TBL1XR1: variants seen among roughly 807,000 people sequenced by gnomAD.
The protein encoded by TBL1XR1 is F-box-like/WD repeat-containing protein TBL1XR1.
In TBL1XR1, 5 loss-of-function variants were observed where a neutral mutation model predicts 66.9. The ratio of observed to expected loss-of-function variants is 0.07; its 90% CI spans 0.04 to 0.16. The LOEUF is 0.16. Ranked by LOEUF, TBL1XR1 falls within the 10% of genes least tolerant of loss-of-function variation. The pLI, the probability that TBL1XR1 is intolerant of heterozygous loss-of-function variation, is 1.00. For synonymous variants in TBL1XR1, 210 were observed against 206.0 expected, an observed-to-expected ratio of 1.02 and a Z score of -0.17; for missense variants, 238 against 623.2, an observed-to-expected ratio of 0.38 and a Z score of 6.58.
chr3:177,043,652 C>T (rs1285708778), intron 10 of TBL1XR1, among the ~76,000 whole-genome samples: 1 of 152,096 alleles, frequency 6.6e-6, no homozygotes, highest in African/African-American at 2.4e-5. Context: ...GATTCAGTCT[C>T]ACAATCTCTG....
At chr3:177,093,292 A>C (rs1015139996) in intron 2 of TBL1XR1, among the ~76,000 whole-genome samples, 2 of 152,160 alleles carry the variant, frequency 1.3e-5, no homozygotes, top group Non-Finnish European at 2.9e-5. Context: ...TCTACAAGGA[A>C]AACTACAAAA....
intron 10 of TBL1XR1, among the ~76,000 whole-genome samples, chr3:177,038,693 T>C (rs1560104641): frequency 6.6e-6 from 1 of 152,142 alleles, no homozygotes; most frequent in East Asian, 1.9e-4. Flanking sequence ...GAGATGAAGG[T>C]TCCTGAGAGC....
At chr3:177,197,810 C>T (rs1737105820), upstream of TBL1XR1, among the ~76,000 whole-genome samples, 1 of 147,588 alleles carries the variant, frequency 6.8e-6, no homozygotes, top group Non-Finnish European at 1.5e-5. Flanking sequence ...CAGGCGAGCC[C>T]CGCGGGCACT....
intron 1 of TBL1XR1, among the ~76,000 whole-genome samples, chr3:177,193,501 G>A (rs1019370734): frequency 6.6e-6 from 1 of 152,058 alleles, no homozygotes; most frequent in African/African-American, 2.4e-5. Context: ...AGTAGAGACG[G>A]GGATTCACCA....
chr3:177,159,850 A>T (rs1044596392), intron 1 of TBL1XR1, among the ~76,000 whole-genome samples: 4 of 152,196 alleles, frequency 2.6e-5, no homozygotes, highest in Admixed American at 2.6e-4. Flanking sequence ...TTGCATCTTC[A>T]TAAGGATGCT....
intron 1 of TBL1XR1, among the ~76,000 whole-genome samples, chr3:177,173,539 C>G (rs754536193): frequency 9.9e-5 from 15 of 152,224 alleles, no homozygotes; most frequent in African/African-American, 2.9e-4. Context: ...TTACAAATAT[C>G]AGACAAACCA....
intron 1 of TBL1XR1, among the ~76,000 whole-genome samples, chr3:177,103,438 C>T (rs750323062): frequency 3.3e-5 from 5 of 152,142 alleles, no homozygotes; most frequent in Non-Finnish European, 5.9e-5. Flanking sequence ...CTAAAGTAAA[C>T]GAAGTATTAA....
chr3:177,026,328 G>T, intron 15 of TBL1XR1, 45 bp downstream of exon 15: 1 of 1,454,366 alleles, frequency 6.9e-7, no homozygotes, highest in Non-Finnish European at 9.6e-7. Context: ...ATTCTGATGT[G>T]AATACCCACC....
At chr3:177,189,397 A>C (rs1735836041) in intron 1 of TBL1XR1, among the ~76,000 whole-genome samples, 1 of 152,086 alleles carries the variant, frequency 6.6e-6, no homozygotes, top group Non-Finnish European at 1.5e-5. Flanking sequence ...CACGCCTGTT[A>C]GTCCCAGCAA....
chr3:177,148,409 T>C (rs1730494045), intron 1 of TBL1XR1, among the ~76,000 whole-genome samples: 1 of 152,214 alleles, frequency 6.6e-6, no homozygotes, highest in African/African-American at 2.4e-5. Flanking sequence ...AGACATGGCA[T>C]ACTCTTTGAT....
In TBL1XR1 at chr3:177,179,117, CAAAAAAAAA is replaced by C. The variant is rs71178099; in HGVS notation, c.-122+17995_-122+18003del. Among the ~76,000 whole-genome samples the C allele has an allele frequency of 1.8e-3, 189 of 107,398 alleles. 1 individual carries two copies. Among genetic ancestry groups the C allele is most frequent in the Middle Eastern group, 0.013 (3 of 224 alleles). The allele number at this position is 107,398 out of a possible 152,430, so 70.5% of individuals were successfully genotyped here. On this transcript the variant is annotated intron_variant, in intron 1 of 15. Coordinates refer to ENST00000457928, the MANE Select transcript of TBL1XR1 (RefSeq NM_024665.7). ...GGGCAACAAGAGCGAAACTACGTCT[CAAAAAAAAA>C]AAAAAAAAAAAAAAAGATACTTGGG... is the stretch of plus-strand genomic sequence containing the variant.
intron 1 of TBL1XR1, among the ~76,000 whole-genome samples, chr3:177,117,542 G>A (rs373079969): frequency 1.3e-5 from 2 of 152,030 alleles, no homozygotes; most frequent in Non-Finnish European, 2.9e-5. Flanking sequence ...CCCATTCAGC[G>A]TAGTTCCTTA....
At chr3:177,166,395 G>GATGTTCCACATCAT (rs1732827552) in intron 1 of TBL1XR1, among the ~76,000 whole-genome samples, 1 of 152,140 alleles carries the variant, frequency 6.6e-6, no homozygotes. Context: ...CATGTGAAAA[G>GATGTTCCACATCAT]ATGTTCCACA....
Position 177,081,566 on chromosome 3 carries a change from A to AT in TBL1XR1, c.-45-16545dup, listed in dbSNP as rs1721392766. Among the ~76,000 whole-genome samples, 3 of 151,980 alleles carry AT rather than the reference A, an allele frequency of 2.0e-5. No individual in the cohort carries two copies. The South Asian group carries it at 6.2e-4, about 32-fold the overall frequency. On this transcript the variant is annotated intron_variant, in intron 2 of 15. Transcript: ENST00000457928. The stretch of plus-strand genomic sequence containing the variant: ...GGAGTTCTACACCAGCCTGGGCAAC[A>AT]TAACAAGACCTAATCTCTACAAAGA...
chr3:177,106,904 C>G (rs943465503), intron 1 of TBL1XR1, among the ~76,000 whole-genome samples: 2 of 131,906 alleles, frequency 1.5e-5, no homozygotes, highest in African/African-American at 6.1e-5. Flanking sequence ...ATTAACACAA[C>G]AGCATTACTA....
chr3:177,054,820 ATTAC>A (rs1717595713), intron 3 of TBL1XR1, among the ~76,000 whole-genome samples: 1 of 152,166 alleles, frequency 6.6e-6, no homozygotes, highest in African/African-American at 2.4e-5. Context: ...TCCATCAGCA[ATTAC>A]TTACTCTTAA....
Position 177,095,950 on chromosome 3 carries a change from T to C in TBL1XR1, c.-46+2516A>G, listed in dbSNP as rs574499433. The stretch of plus-strand genomic sequence containing the variant: ...CCCACTTATCCTAACTTGATCATTT[T>C]ATATTTATACAAGTATCAAAATATC... On this transcript the variant is annotated intron_variant, in intron 2 of 15. Coordinates refer to ENST00000457928, the MANE Select transcript of TBL1XR1 (RefSeq NM_024665.7). Among the ~76,000 whole-genome samples, 9 of 152,352 alleles carry C rather than the reference T, an allele frequency of 5.9e-5. No individual in the cohort carries two copies. In the South Asian group the frequency reaches 1.4e-3, roughly 25 times the overall value.
At chr3:177,034,509 T>C (rs1252848554) in intron 12 of TBL1XR1, among the ~76,000 whole-genome samples, 184 bp from the exon 13 acceptor site, 1 of 139,528 alleles carries the variant, frequency 7.2e-6, no homozygotes, top group Non-Finnish European at 1.5e-5. Flanking sequence ...TACATCTCTG[T>C]TTAAAAAAAA....
At chr3:177,190,588 G>A (rs922920226) in intron 1 of TBL1XR1, among the ~76,000 whole-genome samples, 1 of 152,182 alleles carries the variant, frequency 6.6e-6, no homozygotes, top group South Asian at 2.1e-4. Flanking sequence ...AAAGTGCAGA[G>A]ATTACAGGCG....
Sources: allele counts gnomAD v4.1 joint callset (sites outside exome capture counted in the v4.1 genomes callset), GRCh38; gene constraint gnomAD v4.1.1; transcripts MANE v1.5; gene names NCBI Gene and HGNC (gene_info 2026-07-23, HGNC 2026-07-21).